STXBP6: variants seen among roughly 807,000 people sequenced by gnomAD.
STXBP6 encodes syntaxin-binding protein 6.
Under a neutral mutation model 26.9 loss-of-function variants are expected in STXBP6, and 21 were observed. The ratio of observed to expected loss-of-function variants is 0.78; its 90% confidence interval spans 0.55 to 1.12. The LOEUF (loss-of-function observed/expected upper bound fraction) is 1.12. STXBP6 is among the 50% of genes most tolerant of loss of function. STXBP6 has a pLI of 0.00. For synonymous variants in STXBP6, 97 were observed against 92.6 expected (o/e 1.05, Z -0.27); for missense variants, 232 against 257.9 (o/e 0.90, Z 0.69).
chr14:24,997,280 C>T (rs1002780790), intron 1 of STXBP6, among the ~76,000 whole-genome samples: 2 of 152,224 alleles, frequency 1.3e-5, no homozygotes, highest in Admixed American at 1.3e-4. Flanking sequence ...TTCCAAAACT[C>T]AAACCTGACA....
chr14:24,849,990 TATTC>T (rs1223254484), intron 4 of STXBP6, among the ~76,000 whole-genome samples: 3 of 152,126 alleles, frequency 2.0e-5, no homozygotes, highest in African/African-American at 4.8e-5. Context: ...CCAAAGTCTT[TATTC>T]ATTGACAGAG....
intron 1 of STXBP6, among the ~76,000 whole-genome samples, chr14:25,036,835 G>A (rs1055817327): frequency 1.6e-5 from 2 of 126,862 alleles, no homozygotes; most frequent in Admixed American, 9.3e-5. Flanking sequence ...CAGCCTGGGC[G>A]ACAGAGCAAG....
chr14:25,006,511 G>A (rs2074903019), intron 1 of STXBP6, among the ~76,000 whole-genome samples: 1 of 152,128 alleles, frequency 6.6e-6, no homozygotes, highest in African/African-American at 2.4e-5. Context: ...ACATAAACAT[G>A]GTTGATGCTT....
At chr14:24,850,548 A>G (rs2069116615) in intron 4 of STXBP6, among the ~76,000 whole-genome samples, 1 of 152,190 alleles carries the variant, frequency 6.6e-6, no homozygotes, top group African/African-American at 2.4e-5. Context: ...GTCTGGATTA[A>G]CTGTTGCAAT....
intron 1 of STXBP6, among the ~76,000 whole-genome samples, chr14:25,038,735 A>T (rs2075593985): frequency 6.6e-6 from 1 of 152,192 alleles, no homozygotes; most frequent in South Asian, 2.1e-4. Context: ...GTGGACGACA[A>T]AATAATCTGT....
chr14:24,975,409 G>A (rs1386117271), intron 1 of STXBP6, among the ~76,000 whole-genome samples: 2 of 152,042 alleles, frequency 1.3e-5, no homozygotes, highest in African/African-American at 4.8e-5. Context: ...CTTTGATCAC[G>A]CTAAGTAATG....
chr14:24,917,066 A>C (rs2071794243), intron 2 of STXBP6, among the ~76,000 whole-genome samples: 1 of 152,084 alleles, frequency 6.6e-6, no homozygotes, highest in Non-Finnish European at 1.5e-5. Flanking sequence ...CTCCTAAGGA[A>C]GCATAGCATA....
intron 1 of STXBP6, among the ~76,000 whole-genome samples, chr14:25,036,199 A>C (rs1462928395): frequency 1.4e-5 from 2 of 145,748 alleles, no homozygotes; most frequent in Non-Finnish European, 3.0e-5. Flanking sequence ...CCTAGGCAAC[A>C]GAGCAAGACT....
intron 4 of STXBP6, among the ~76,000 whole-genome samples, chr14:24,828,348 T>C (rs2068350166): frequency 6.6e-6 from 1 of 152,132 alleles, no homozygotes; most frequent in Non-Finnish European, 1.5e-5. Context: ...ATTACAGTAA[T>C]TGTATATGAC....
intron 2 of STXBP6, among the ~76,000 whole-genome samples, chr14:24,924,655 T>C (rs1183366120): frequency 1.3e-5 from 2 of 152,130 alleles, no homozygotes; most frequent in East Asian, 3.8e-4. Flanking sequence ...AAGAATTCAA[T>C]AAGGCAAGCA....
At chr14:24,999,104 G>T (rs1385150947) in intron 1 of STXBP6, among the ~76,000 whole-genome samples, 1 of 152,136 alleles carries the variant, frequency 6.6e-6, no homozygotes. Flanking sequence ...AATACAGTAA[G>T]TTGAACATGC....
At chr14:25,043,489 G>C (rs571477566) in intron 1 of STXBP6, among the ~76,000 whole-genome samples, 4 of 151,976 alleles carry the variant, frequency 2.6e-5, no homozygotes, top group Non-Finnish European at 5.9e-5. Flanking sequence ...CTCTTTTAAA[G>C]TGTGCAACTC....
chr14:25,009,268 T>G (rs1566558495), intron 1 of STXBP6, among the ~76,000 whole-genome samples: 1 of 152,190 alleles, frequency 6.6e-6, no homozygotes, highest in Non-Finnish European at 1.5e-5. Flanking sequence ...GGTCCTAATA[T>G]CTGATGTTCT....
intron 1 of STXBP6, among the ~76,000 whole-genome samples, chr14:25,045,600 CTTTTCTTTTTT>C (rs2075713435): frequency 7.4e-6 from 1 of 135,952 alleles, no homozygotes; most frequent in Non-Finnish European, 1.6e-5. Context: ...CTTTTTTTTT[CTTTTCTTTTTT>C]TTTTTTTTTG....
At chr14:24,824,181 T>C (rs8016612) in intron 4 of STXBP6, among the ~76,000 whole-genome samples, 28,941 of 152,080 alleles carry the variant, frequency 0.19, 4,635 homozygotes, top group African/African-American at 0.44. Context: ...CACTAGAACA[T>C]ATATTAGCAA....
At chr14:24,908,252 A>G (rs753627496) in intron 2 of STXBP6, among the ~76,000 whole-genome samples, 13 of 152,184 alleles carry the variant, frequency 8.5e-5, no homozygotes, top group Admixed American at 5.2e-4. Context: ...ATCTTTTAGC[A>G]CTACTTAGCG....
intron 2 of STXBP6, among the ~76,000 whole-genome samples, chr14:24,857,498 G>C (rs1004116674): frequency 2.6e-5 from 4 of 152,016 alleles, no homozygotes; most frequent in African/African-American, 9.7e-5. Flanking sequence ...CAGCTTGCAG[G>C]AAAAGAAGCA....
chr14:24,832,817 C>T (rs901162581), intron 4 of STXBP6, among the ~76,000 whole-genome samples: 4 of 152,188 alleles, frequency 2.6e-5, no homozygotes, highest in African/African-American at 9.7e-5. Context: ...TGTCTATTAT[C>T]AAGGTTCCAA....
At chr14:24,912,554 T>C (rs1566469905) in intron 2 of STXBP6, among the ~76,000 whole-genome samples, 1 of 152,172 alleles carries the variant, frequency 6.6e-6, no homozygotes. Context: ...TCTATCCATT[T>C]AAAAATCATA....
Sources: gnomAD v4.1 joint callset for allele counts (sites outside exome capture counted in the v4.1 genomes callset) on GRCh38, gnomAD v4.1.1 for gene constraint, MANE v1.5 for transcripts, NCBI Gene and HGNC (gene_info 2026-07-23, HGNC 2026-07-21) for gene names.